The following PRICKLE2 variants were observed in gnomAD, a reference collection of about 807,000 sequenced individuals.
The protein encoded by PRICKLE2 is prickle planar cell polarity protein 2.
Under a neutral mutation model 81.4 loss-of-function variants are expected in PRICKLE2, and 21 were observed. That is an observed-to-expected ratio of 0.26 (90% CI 0.18 to 0.37). PRICKLE2 has a LOEUF of 0.37. PRICKLE2 is among the 10% of genes least tolerant of loss of function. PRICKLE2 has a pLI of 1.00. For synonymous variants in PRICKLE2, 456 were observed against 421.5 expected (o/e 1.08, Z -1.00); for missense variants, 940 against 1,109.0 (o/e 0.85, Z 2.16).
At chr3:64,178,924 TA>T (rs2078068842) in intron 2 of PRICKLE2, among the ~76,000 whole-genome samples, 1 of 152,210 alleles carries the variant, frequency 6.6e-6, no homozygotes, top group Non-Finnish European at 1.5e-5. Context: ...CCAACAGCAC[TA>T]TAACTCATGC....
chr3:64,156,130 G>A (rs117025668), intron 5 of PRICKLE2, among the ~76,000 whole-genome samples: 1 of 152,294 alleles, frequency 6.6e-6, no homozygotes, highest in East Asian at 1.9e-4. Flanking sequence ...TGGAAACTGA[G>A]GCATGAAGGT....
chr3:64,154,780 A>G (rs2077603243), intron 5 of PRICKLE2: 1 of 152,202 alleles, frequency 6.6e-6, no homozygotes, highest in Non-Finnish European at 1.5e-5. Flanking sequence ...AGAATGGGAG[A>G]AAATATTTGC....
At position 64,147,772 on chromosome 3, in the gene PRICKLE2, T is replaced by C. The variant is rs1248283626; in HGVS notation, c.788-70A>G. The stretch of plus-strand genomic sequence containing the variant: ...GCTCTGCACTGGGACGTGAAACACA[T>C]AGCACCTTGGTTTGTCTCAGGATTC... On this transcript the variant is annotated intron_variant, in intron 6 of 7. Transcript: ENST00000638394. This position sits in a 1 kb window ranked among gnomAD's most constrained non-coding sequence, Gnocchi z 5.0. 1.4e-5 allele frequency: 21 copies of C among 1,551,594 alleles called. No homozygotes were observed. The highest frequency in any genetic ancestry group is 1.8e-5 in the Non-Finnish European group (20 of 1,125,400).
chr3:64,238,689 T>G (rs1318114024), intron 2 of PRICKLE2, among the ~76,000 whole-genome samples: 1 of 152,116 alleles, frequency 6.6e-6, no homozygotes. Context: ...TCCCTACCCC[T>G]TCTTATTAGC....
chr3:64,135,737 CGT>C (rs1459273456), intron 7 of PRICKLE2, among the ~76,000 whole-genome samples: 1 of 151,854 alleles, frequency 6.6e-6, no homozygotes. Flanking sequence ...CACACACCTG[CGT>C]GCACACACAC....
intron 7 of PRICKLE2, among the ~76,000 whole-genome samples, chr3:64,127,895 C>A (rs152294): frequency 0.46 from 69,270 of 151,668 alleles, 16,396 homozygotes; most frequent in East Asian, 0.79. Context: ...TGAACGTTTT[C>A]CCCTACAGGA....
At chr3:64,114,503 A>ATTCTCTAT (rs2076903077) in intron 7 of PRICKLE2, among the ~76,000 whole-genome samples, 1 of 152,172 alleles carries the variant, frequency 6.6e-6, no homozygotes, top group African/African-American at 2.4e-5. Flanking sequence ...CTGACAGACA[A>ATTCTCTAT]AATAGCCAAT....
intron 2 of PRICKLE2, among the ~76,000 whole-genome samples, chr3:64,197,439 G>C (rs1248782540): frequency 1.3e-5 from 2 of 152,062 alleles, no homozygotes; most frequent in Non-Finnish European, 2.9e-5. Context: ...TAATGGGATT[G>C]TTTGGTTTTT....
chr3:64,106,900 C>T lies in PRICKLE2; in HGVS notation c.1661-6975G>A, dbSNP rs540701148. 2.3e-4 allele frequency among the ~76,000 whole-genome samples: 35 copies of T among 152,358 alleles called. No individual in the cohort carries two copies. In the South Asian group the frequency reaches 7.2e-3, roughly 32 times the overall value. ...CCCCTACATCCTCTGGAGGATCTGG[C>T]AGAAGAATCCCACCTGATGGCAAGG... On this transcript the variant is annotated intron_variant, in intron 7 of 7. Coordinates refer to ENST00000638394, the MANE Select transcript of PRICKLE2 (RefSeq NM_198859.4).
At chr3:64,211,086 G>A (rs972760110) in intron 1 of PRICKLE2, among the ~76,000 whole-genome samples, 1 of 152,086 alleles carries the variant, frequency 6.6e-6, no homozygotes, top group Admixed American at 6.5e-5. Context: ...AGGAAGTAGG[G>A]GTACTTATCA....
At chr3:64,152,282 C>A (rs2077559916) in intron 6 of PRICKLE2, among the ~76,000 whole-genome samples, 1 of 152,170 alleles carries the variant, frequency 6.6e-6, no homozygotes, top group Non-Finnish European at 1.5e-5. Context: ...ACTGGATGAT[C>A]TGGCTGTGAT....
chr3:64,146,839 T>C lies in PRICKLE2; in HGVS notation c.1651A>G (p.Asn551Asp). 2 of 1,614,064 alleles carry C rather than the reference T, an allele frequency of 1.2e-6. No individual in the cohort carries two copies. The highest frequency in any genetic ancestry group is 1.7e-6 in the Non-Finnish European group (2 of 1,179,988). ...RGSMESLALSNATGLSADGGA... is the reference protein window; with the variant it reads ...RGSMESLALSDATGLSADGGA... ...GGTGAACAGAACCTACCTGTTGCAT[T>C]AGACAGGGCCAGGGATTCCATGGAG... The change falls in exon 7 of 8, where the codon AAT (asparagine) becomes GAT (aspartate). Residue 551 changes from asparagine (N) to aspartate (D), a missense_variant. By Grantham distance (23) the Asn-to-Asp change is conservative (BLOSUM62 1). Transcript: ENST00000638394.
At chr3:64,228,456 G>C (rs574802612), upstream of PRICKLE2, among the ~76,000 whole-genome samples, 14 of 151,958 alleles carry the variant, frequency 9.2e-5, no homozygotes, top group Non-Finnish European at 2.1e-4. Context: ...CACTTACACA[G>C]AATATTAAAA....
intron 2 of PRICKLE2, among the ~76,000 whole-genome samples, chr3:64,254,371 A>G (rs2079494844): frequency 6.6e-6 from 1 of 152,192 alleles, no homozygotes; most frequent in Admixed American, 6.5e-5. Context: ...GCTTCTGGCA[A>G]GAGGTATTGT....
intron 1 of PRICKLE2, among the ~76,000 whole-genome samples, chr3:64,223,371 T>C (rs2078985167): frequency 6.6e-6 from 1 of 152,214 alleles, no homozygotes; most frequent in Non-Finnish European, 1.5e-5. Context: ...TTAAGTATCT[T>C]CAGCTCTTTC....
At chr3:64,169,251 T>G (rs2077890791) in intron 2 of PRICKLE2, among the ~76,000 whole-genome samples, 1 of 152,132 alleles carries the variant, frequency 6.6e-6, no homozygotes, top group African/African-American at 2.4e-5. Context: ...AGCCATCTTG[T>G]GTCATGAAGT....
At chr3:64,199,927 G>A (rs1262404039) in intron 1 of PRICKLE2, 6 of 152,120 alleles carry the variant, frequency 3.9e-5, no homozygotes, top group Admixed American at 2.6e-4. Flanking sequence ...TGATAAAAGA[G>A]CCCAGAATTT....
At chr3:64,188,430 G>A (rs892027013) in intron 2 of PRICKLE2, among the ~76,000 whole-genome samples, 12 of 152,168 alleles carry the variant, frequency 7.9e-5, no homozygotes, top group African/African-American at 2.9e-4. Context: ...TAAAAGCTTT[G>A]TTGAAACAGA....
At chr3:64,174,094 C>A (rs1488643652) in intron 2 of PRICKLE2, among the ~76,000 whole-genome samples, 8 of 152,062 alleles carry the variant, frequency 5.3e-5, no homozygotes, top group Admixed American at 2.0e-4. Flanking sequence ...ACGTTGTTAT[C>A]AAACTGTGTT....
Sources: allele counts gnomAD v4.1 joint callset (sites outside exome capture counted in the v4.1 genomes callset), GRCh38; gene constraint gnomAD v4.1.1; non-coding constraint Gnocchi (gnomAD v3.1); transcripts MANE v1.5; gene names NCBI Gene and HGNC (gene_info 2026-07-23, HGNC 2026-07-21).